Variants in NCOR2 observed in about 807,000 individuals in gnomAD.
NCOR2 encodes the protein CTG repeat protein 26.
In NCOR2, 81 loss-of-function variants were observed where a neutral mutation model predicts 262.9. That is an observed-to-expected ratio of 0.31 (90% confidence interval 0.26 to 0.37). NCOR2 has a LOEUF of 0.37. Among genes scored for constraint, NCOR2 ranks in the 10% least tolerant of loss-of-function variants. The pLI, the probability that NCOR2 is intolerant of heterozygous loss-of-function variation, is 1.00. For synonymous variants in NCOR2, 1,659 were observed against 1,559.3 expected, an observed-to-expected ratio of 1.06 and a Z score of -1.51; for missense variants, 3,385 against 3,621.4, an observed-to-expected ratio of 0.93 and a Z score of 1.68.
At chr12:124,514,217 C>T (rs2049580542) in intron 1 of NCOR2, 1 of 152,214 alleles carries the variant, frequency 6.6e-6, no homozygotes, top group Non-Finnish European at 1.5e-5. Context: ...CCGCCCTGCC[C>T]CTCTTCCTGG....
rs950077376 is a variant in NCOR2 at position 124,473,196 on chromosome 12, G to C, written c.412-65C>G. The C allele has an allele frequency of 1.9e-6, 3 of 1,571,990 alleles. No individual in the cohort carries two copies. In the South Asian group the frequency reaches 3.4e-5, roughly 18 times the overall value. On this transcript the variant is annotated intron_variant, in intron 3 of 46. Coordinates refer to ENST00000405201, the Ensembl canonical transcript of NCOR2. ...GACACCCCCCAGTCTGTACAACCCT[G>C]TGATGGTTAATACTGTCAACCTGAT...
intron 13 of NCOR2, among the ~76,000 whole-genome samples, chr12:124,413,932 C>T (rs1280883164): frequency 6.6e-6 from 1 of 150,696 alleles, no homozygotes; most frequent in Non-Finnish European, 1.5e-5. Context: ...CCCCCCCCAC[C>T]CCAGGACTCC....
At chr12:124,365,449 C>CGA (rs1487619400) in intron 20 of NCOR2, among the ~76,000 whole-genome samples, 4 of 152,226 alleles carry the variant, frequency 2.6e-5, no homozygotes, top group Non-Finnish European at 5.9e-5. Context: ...TGAGCAGGGC[C>CGA]GATGCCCAGG....
chr12:124,430,935 G>T (rs2043877102), intron 8 of NCOR2, 148 bp from the exon 11 acceptor site: 2 of 907,110 alleles, frequency 2.2e-6, no homozygotes, highest in Non-Finnish European at 3.2e-6. Context: ...GTCAGATACA[G>T]CCACACAGAC....
chr12:124,535,779 T>C (rs919746741), upstream of NCOR2, among the ~76,000 whole-genome samples: 2 of 152,222 alleles, frequency 1.3e-5, no homozygotes, highest in Non-Finnish European at 2.9e-5. Context: ...TACTGCTACC[T>C]ATTTGACAGA....
exon 47 of NCOR2, chr12:124,325,377 G>GGCCCCC: frequency 8.1e-6 from 2 of 246,784 alleles, no homozygotes; most frequent in Non-Finnish European, 1.3e-5. Context: ...ACCTGACACC[G>GGCCCCC]CCCCCCCCCC....
intron 1 of NCOR2, among the ~76,000 whole-genome samples, chr12:124,502,600 G>A (rs1232270378): frequency 6.6e-6 from 1 of 152,190 alleles, no homozygotes; most frequent in East Asian, 1.9e-4. Flanking sequence ...GGACAGCAGG[G>A]AGGCCTGGAT....
chr12:124,555,506 C>G (rs1594067858), intron 1 of NCOR2, among the ~76,000 whole-genome samples: 1 of 152,338 alleles, frequency 6.6e-6, no homozygotes, highest in East Asian at 1.9e-4. Flanking sequence ...GCAGTCCCCC[C>G]AAGCGTCCAC....
At chr12:124,380,195 C>G (rs1051839248) in intron 17 of NCOR2, among the ~76,000 whole-genome samples, 1 of 152,242 alleles carries the variant, frequency 6.6e-6, no homozygotes, top group Non-Finnish European at 1.5e-5. Context: ...CACCCCAGCC[C>G]TTCACCGTGG....
intron 7 of NCOR2, among the ~76,000 whole-genome samples, chr12:124,439,454 C>A (rs1179697771): frequency 2.5e-4 from 1 of 4,002 alleles, no homozygotes; most frequent in African/African-American, 7.7e-4. Flanking sequence ...GAGAGGGAAA[C>A]AGGGACCCAG....
chr12:124,336,928 G>C, exon 38 of NCOR2: 1 of 1,577,348 alleles, frequency 6.3e-7, no homozygotes, highest in Non-Finnish European at 8.6e-7. Context: ...GAGGCACTAG[G>C]GGCCGGGGCT....
At chr12:124,554,975 G>C (rs1221935418) in intron 1 of NCOR2, among the ~76,000 whole-genome samples, 2 of 152,210 alleles carry the variant, frequency 1.3e-5, no homozygotes, top group Non-Finnish European at 2.9e-5. Flanking sequence ...GTGGACCCAG[G>C]ACTGTCCCTG....
intron 6 of NCOR2, among the ~76,000 whole-genome samples, chr12:124,451,922 T>C (rs1593604895): frequency 7.4e-6 from 1 of 134,340 alleles, no homozygotes; most frequent in Non-Finnish European, 1.5e-5. Context: ...CAATGTCGCC[T>C]TTCCCCCTGT....
intron 9 of NCOR2, among the ~76,000 whole-genome samples, chr12:124,430,136 GTGT>G (rs2043831929): frequency 6.6e-6 from 1 of 152,216 alleles, no homozygotes; most frequent in African/African-American, 2.4e-5. Context: ...AGGGTGAAAG[GTGT>G]TGTTATCATT....
At chr12:124,427,552 C>T (rs1208775804) in intron 10 of NCOR2, among the ~76,000 whole-genome samples, 1 of 152,200 alleles carries the variant, frequency 6.6e-6, no homozygotes, top group African/African-American at 2.4e-5. Context: ...TCCAGCTGCC[C>T]GGCCGCCCAC....
chr12:124,456,499 G>A (rs1482821415), intron 6 of NCOR2, among the ~76,000 whole-genome samples: 6 of 152,098 alleles, frequency 3.9e-5, no homozygotes, highest in Non-Finnish European at 2.9e-5. Context: ...AGCCATCATC[G>A]CCATCATCGC....
chr12:124,350,590 C>T (rs1406103274), exon 28 of NCOR2: 1 of 1,613,302 alleles, frequency 6.2e-7, no homozygotes, highest in South Asian at 1.1e-5. Context: ...GACTCACCCT[C>T]ATAGGACAAG....
intron 3 of NCOR2, among the ~76,000 whole-genome samples, chr12:124,474,932 C>T (rs527584587): frequency 1.3e-5 from 2 of 152,206 alleles, no homozygotes; most frequent in South Asian, 2.1e-4. Context: ...CATTATTCTC[C>T]GGACAACTGC....
intron 10 of NCOR2, among the ~76,000 whole-genome samples, chr12:124,428,840 C>T (rs2043745113): frequency 6.6e-6 from 1 of 152,214 alleles, no homozygotes; most frequent in South Asian, 2.1e-4. Context: ...CAAAAGTCCC[C>T]AGAAGGAAGA....
Sources: gnomAD v4.1 joint callset for allele counts (sites outside exome capture counted in the v4.1 genomes callset) on GRCh38, gnomAD v4.1.1 for gene constraint, MANE v1.5 for transcripts, NCBI Gene and HGNC (gene_info 2026-07-23, HGNC 2026-07-21) for gene names.